The following ZCCHC8 variants were observed in gnomAD, a reference collection of about 807,000 sequenced individuals.
ZCCHC8 encodes the protein zinc finger CCHC domain-containing protein 8.
Under a neutral mutation model 70.6 loss-of-function variants are expected in ZCCHC8, and 27 were observed. That is an observed-to-expected ratio of 0.38 (90% CI 0.28 to 0.53). The LOEUF (loss-of-function observed/expected upper bound fraction) is 0.53. ZCCHC8 is among the 20% of genes least tolerant of loss of function. ZCCHC8 has a pLI of 0.81. For missense variants in ZCCHC8, 737 were observed against 876.9 expected (o/e 0.84, Z 2.01); for synonymous variants, 293 against 317.4 (o/e 0.92, Z 0.82).
chr12:122,483,963 A>T lies in ZCCHC8; in HGVS notation c.502-400T>A. On this transcript the variant is annotated intron_variant, in intron 5 of 13. Coordinates refer to ENST00000633063, the MANE Select transcript of ZCCHC8 (RefSeq NM_017612.5). The surrounding 1 kb of genome is among the most constrained non-coding windows in gnomAD (Gnocchi z 4.4). Reference sequence around the variant, plus strand: ...CTTATCCCTCCAGTTCTTTTTGAAAAAATTCCATACAGACAAGTTGGAAAA... The same window carrying T: ...CTTATCCCTCCAGTTCTTTTTGAAATAATTCCATACAGACAAGTTGGAAAA... 5.9e-6 allele frequency: 1 copy of T among 168,854 alleles called. No individual in the cohort carries two copies. The highest frequency in any genetic ancestry group is 1.3e-5 in the Non-Finnish European group (1 of 78,312). The allele number at this position is 168,854 out of a possible 1,614,324, so 10.5% of individuals were successfully genotyped here.
Position 122,483,798 on chromosome 12 carries a change from T to C in ZCCHC8, c.502-235A>G. The C allele has an allele frequency of 2.3e-6, 1 of 432,594 alleles. No homozygotes were observed. Among genetic ancestry groups the C allele is most frequent in the Non-Finnish European group, 4.1e-6 (1 of 245,126 alleles). 26.8% of individuals were successfully genotyped at this position (432,594 alleles called of 1,614,324 possible). A position where few individuals can be genotyped will look rare whatever the true frequency, so the allele number is the denominator to read the frequency against. Reference sequence around the variant, plus strand: ...TATTGGATCATGACTATCAGCTGCATTCTCTACAGAATTCAAACAAAAAAT... The same window carrying C: ...TATTGGATCATGACTATCAGCTGCACTCTCTACAGAATTCAAACAAAAAAT... On this transcript the variant is annotated intron_variant, in intron 5 of 13. Coordinates refer to ENST00000633063, the MANE Select transcript of ZCCHC8 (RefSeq NM_017612.5). The surrounding 1 kb of genome is among the most constrained non-coding windows in gnomAD (Gnocchi z 4.4).
rs1227745010 is a variant in ZCCHC8 at position 122,473,130 on chromosome 12, G to C, written c.*367C>G. On this transcript the variant is annotated 3_prime_UTR_variant, in exon 14 of 14. Coordinates refer to ENST00000633063, the MANE Select transcript of ZCCHC8 (RefSeq NM_017612.5). ...ATGGTAGAATTTTTTCTTTTAAAAA[G>C]TGATATATTAAACTTATATACAGGA... The C allele has an allele frequency of 6.0e-6, 1 of 167,992 alleles. No homozygotes were observed. The highest frequency in any genetic ancestry group is 1.7e-4 in the East Asian group (1 of 6,018). The allele number at this position is 167,992 out of a possible 1,614,324, so 10.4% of individuals were successfully genotyped here.
intron 3 of ZCCHC8, among the ~76,000 whole-genome samples, 169 bp from the exon 4 acceptor site, chr12:122,490,736 A>G (rs1022792735): frequency 1.3e-5 from 2 of 152,244 alleles, no homozygotes; most frequent in Non-Finnish European, 2.9e-5. Context: ...GATAAATTAC[A>G]TATTATTGCC....
Position 122,483,194 on chromosome 12 carries a change from A to G in ZCCHC8, c.671+85T>C. On this transcript the variant is annotated intron_variant, in intron 7 of 13. Transcript: ENST00000633063. This position sits in a 1 kb window ranked among gnomAD's most constrained non-coding sequence, Gnocchi z 4.4. ...ATTAACCTTAGAGTAAACCAGCAGT[A>G]AAGAACATGAACTTTTCAAGCCAAA... is the stretch of plus-strand genomic sequence containing the variant. 1.6e-6 allele frequency: 2 copies of G among 1,260,144 alleles called. No homozygotes were observed. The highest frequency in any genetic ancestry group is 2.6e-4 in the Middle Eastern group (1 of 3,844). 78.1% of individuals were successfully genotyped at this position (1,260,144 alleles called of 1,614,324 possible). A position where few individuals can be genotyped will look rare whatever the true frequency, so the allele number is the denominator to read the frequency against.
rs759702189 is a variant in ZCCHC8, at chr12:122,483,284, T to G, written c.666A>C (p.Ala222=). ...SLEGQEIQVK[A]KRPKPHCFNC... ...AAACAACTCCCCACACAAACCTTTTTGCCTTTACTTGTATTTCTTGCCCTT... is the reference window on the plus strand; with the variant it reads ...AAACAACTCCCCACACAAACCTTTTGGCCTTTACTTGTATTTCTTGCCCTT... Residue 222 remains alanine (A), a synonymous_variant, in exon 7 of 14, where the codon GCA becomes GCC. Coordinates refer to ENST00000633063, the MANE Select transcript of ZCCHC8 (RefSeq NM_017612.5). This position sits in a 1 kb window ranked among gnomAD's most constrained non-coding sequence, Gnocchi z 4.4. The G allele has an allele frequency of 4.8e-5, 77 of 1,595,234 alleles. No individual in the cohort carries two copies. The Middle Eastern group carries it at 1.2e-3, about 24-fold the overall frequency.
Position 122,476,857 on chromosome 12 carries a change from T to C in ZCCHC8, c.1345+984A>G, listed in dbSNP as rs374238395. On this transcript the variant is annotated intron_variant, in intron 13 of 13. Transcript: ENST00000633063. ...GGCTAACACGGAGAAACTCCATCTC[T>C]ACTAAAAATACAAAATTAGCCAGGC... Among the ~76,000 whole-genome samples, 25 of 151,784 alleles carry C rather than the reference T, an allele frequency of 1.6e-4. No homozygotes were observed. In the East Asian group the frequency reaches 2.2e-3, roughly 13 times the overall value.
rs78767455 is a variant in ZCCHC8 at position 122,483,833 on chromosome 12, G to C, written c.502-270C>G. 8,102 of 325,666 alleles carry C rather than the reference G, an allele frequency of 0.025. 630 individuals carry two copies. Among genetic ancestry groups the C allele is most frequent in the African/African-American group, 0.16 (7,428 of 46,462 alleles). The allele number at this position is 325,666 out of a possible 1,614,324, so 20.2% of individuals were successfully genotyped here. ...AATTCAAACAAAAAATGAAAACCTT[G>C]ACTCTCATATTTCCCTCCAATGCCC... is the stretch of plus-strand genomic sequence containing the variant. On this transcript the variant is annotated intron_variant, in intron 5 of 13. Coordinates refer to ENST00000633063, the MANE Select transcript of ZCCHC8 (RefSeq NM_017612.5). This position sits in a 1 kb window ranked among gnomAD's most constrained non-coding sequence, Gnocchi z 4.4.
intron 5 of ZCCHC8, among the ~76,000 whole-genome samples, chr12:122,486,289 T>C (rs1446331324): frequency 6.6e-6 from 1 of 151,400 alleles, no homozygotes; most frequent in Non-Finnish European, 1.5e-5. Flanking sequence ...GGTGCACACC[T>C]GTGATCCCAG....
chr12:122,489,129 C>T (rs1209875966), intron 5 of ZCCHC8, among the ~76,000 whole-genome samples: 1 of 152,194 alleles, frequency 6.6e-6, no homozygotes, highest in Non-Finnish European at 1.5e-5. Flanking sequence ...CTTCATCCAA[C>T]TTCTTGAATA....
chr12:122,495,905 C>T (rs1159543519), intron 2 of ZCCHC8, among the ~76,000 whole-genome samples: 1 of 147,248 alleles, frequency 6.8e-6, no homozygotes, highest in African/African-American at 2.5e-5. Flanking sequence ...CAGACTAAGC[C>T]CAGTGTAATC....
intron 10 of ZCCHC8, 128 bp downstream of exon 10, chr12:122,481,394 C>A (rs1957530520): frequency 8.3e-7 from 1 of 1,202,012 alleles, no homozygotes. Context: ...AAGGAAACAT[C>A]ATCATGATAT....
At position 122,500,102 on chromosome 12, in the gene ZCCHC8, T is replaced by C. The variant is rs1957896764; in HGVS notation, c.199+540A>G. The C allele has an allele frequency of 6.5e-6, 1 of 152,680 alleles. No homozygotes were observed. Among genetic ancestry groups the C allele is most frequent in the Non-Finnish European group, 1.5e-5 (1 of 68,320 alleles). 9.5% of individuals were successfully genotyped at this position (152,680 alleles called of 1,614,324 possible). ...GCTCCGAGTGGAAGAACTCTAAAAT[T>C]AATCCCCAATTTTAATCAAGCAATT... is the stretch of plus-strand genomic sequence containing the variant. On this transcript the variant is annotated intron_variant, in intron 1 of 13. Coordinates refer to ENST00000633063, the MANE Select transcript of ZCCHC8 (RefSeq NM_017612.5). The surrounding 1 kb of genome is among the most constrained non-coding windows in gnomAD (Gnocchi z 4.8).
rs779813200 is a variant in ZCCHC8, at chr12:122,473,761, T to A, written c.1860A>T (p.Glu620Asp). 1.7e-5 allele frequency: 27 copies of A among 1,613,424 alleles called. No individual in the cohort carries two copies. In the Middle Eastern group the frequency reaches 4.9e-4, roughly 29 times the overall value. ...CACTGCCATTATCAAGAAGGGCACC[T>A]TCAGTGTTTACCGGAGCCAACTCTG... is the stretch of plus-strand genomic sequence containing the variant. ...EKAELAPVNT[E>D]GALLDNGSVV... The change falls in exon 14 of 14, where the codon GAA (glutamate) becomes GAT (aspartate). Residue 620 changes from glutamate to aspartate, a missense_variant. Glu to Asp is a conservative substitution (Grantham distance 45). Coordinates refer to ENST00000633063, the MANE Select transcript of ZCCHC8 (RefSeq NM_017612.5).
intron 7 of ZCCHC8, chr12:122,482,901 C>G (rs759606960): frequency 3.7e-6 from 2 of 533,362 alleles, no homozygotes; most frequent in Non-Finnish European, 6.5e-6. Flanking sequence ...AACCAAGAAC[C>G]CTTCTGTTCC....
chr12:122,498,113 A>C (rs1427350533), intron 2 of ZCCHC8, among the ~76,000 whole-genome samples: 1 of 150,400 alleles, frequency 6.6e-6, no homozygotes, highest in African/African-American at 2.4e-5. Flanking sequence ...TTATGAACAC[A>C]TTTTAACTAT....
In ZCCHC8 at chr12:122,500,324, G is replaced by A. The variant is rs1177031444; in HGVS notation, c.199+318C>T. The A allele has an allele frequency of 1.6e-5, 5 of 318,812 alleles. No individual in the cohort carries two copies. Among genetic ancestry groups the A allele is most frequent in the East Asian group, 6.6e-5 (1 of 15,062 alleles). 19.7% of individuals were successfully genotyped at this position (318,812 alleles called of 1,614,324 possible). A position where few individuals can be genotyped will look rare whatever the true frequency, so the allele number is the denominator to read the frequency against. On this transcript the variant is annotated intron_variant, in intron 1 of 13. Coordinates refer to ENST00000633063, the MANE Select transcript of ZCCHC8 (RefSeq NM_017612.5). This position sits in a 1 kb window ranked among gnomAD's most constrained non-coding sequence, Gnocchi z 4.8. ...CTCACCACGACCTCAAACAGAGGGGGGCAATTAAGGGCTTGTGTACAATCT... is the reference window on the plus strand; with the variant it reads ...CTCACCACGACCTCAAACAGAGGGGAGCAATTAAGGGCTTGTGTACAATCT...
rs1267337770 is a variant in ZCCHC8, at chr12:122,481,535, G to A, written c.1005C>T (p.Leu335=). The A allele has an allele frequency of 1.1e-5, 18 of 1,612,416 alleles. No homozygotes were observed. The highest frequency in any genetic ancestry group is 3.3e-4 in the Middle Eastern group (2 of 6,062). ...EAELENSGLA[L]YDGKDGTDGE... ...AAGATACTATACCTTTTCCATCATA[G>A]AGTGCAAGCCCCGAATTCTCCAATT... is the stretch of plus-strand genomic sequence containing the variant. The change falls in exon 10 of 14, where the codon CTC becomes CTT. Residue 335 remains leucine, a synonymous_variant. Transcript: ENST00000633063.
At chr12:122,482,910 C>A (rs1438626465) in intron 7 of ZCCHC8, 2 of 535,244 alleles carry the variant, frequency 3.7e-6, no homozygotes, top group Non-Finnish European at 3.3e-6. Flanking sequence ...CCCTTCTGTT[C>A]CTGACTGATC....
Position 122,472,201 on chromosome 12 carries a change from T to A in ZCCHC8, c.*1296A>T, listed in dbSNP as rs1296317350. 6.7e-6 allele frequency: 1 copy of A among 150,234 alleles called. No homozygotes were observed. Among genetic ancestry groups the A allele is most frequent in the Non-Finnish European group, 1.5e-5 (1 of 67,984 alleles). 9.3% of individuals were successfully genotyped at this position (150,234 alleles called of 1,614,324 possible). ...TTTTGCTACCACTGATTTTTACAAT[T>A]TACCTTTTTTTTTTTTTTTTTTTGA... On this transcript the variant is annotated 3_prime_UTR_variant, in exon 14 of 14. Transcript: ENST00000633063.
Sources: gnomAD v4.1 joint callset for allele counts (sites outside exome capture counted in the v4.1 genomes callset) on GRCh38, gnomAD v4.1.1 for gene constraint, Gnocchi (gnomAD v3.1) non-coding constraint, MANE v1.5 for transcripts, NCBI Gene and HGNC (gene_info 2026-07-23, HGNC 2026-07-21) for gene names.